MACROD2: variants seen among roughly 807,000 people sequenced by gnomAD.
MACROD2 encodes ADP-ribose glycohydrolase MACROD2.
Under a neutral mutation model 70.4 loss-of-function variants are expected in MACROD2, and 36 were observed. The observed-to-expected ratio is 0.51, with a 90% CI of 0.39 to 0.68. The LOEUF (loss-of-function observed/expected upper bound fraction) is 0.68, where lower values mean the gene tolerates loss of function less well. Among genes scored for constraint, MACROD2 ranks in the 30% least tolerant of loss-of-function variants. The probability of loss-of-function intolerance (pLI) is 0.00; values close to 1 mark genes in which losing one functional copy is unlikely to be tolerated. For synonymous variants in MACROD2, 172 were observed against 178.8 expected (o/e 0.96, Z 0.30); for missense variants, 496 against 538.4 (o/e 0.92, Z 0.78).
chr20:14,302,800 G>A (rs183308945), intron 3 of MACROD2, among the ~76,000 whole-genome samples: 73 of 151,796 alleles, frequency 4.8e-4, no homozygotes, highest in South Asian at 6.3e-4. Flanking sequence ...TTACAGGCGC[G>A]CGCCACCATG....
chr20:14,148,647 A>C (rs149775581), intron 3 of MACROD2, among the ~76,000 whole-genome samples: 24 of 152,296 alleles, frequency 1.6e-4, no homozygotes, highest in Non-Finnish European at 2.9e-4. Flanking sequence ...TTTTCTGTCA[A>C]ACCAGTCATC....
At chr20:15,849,155 A>G (rs1042146922) in intron 8 of MACROD2, among the ~76,000 whole-genome samples, 4 of 152,158 alleles carry the variant, frequency 2.6e-5, no homozygotes, top group Non-Finnish European at 2.9e-5. Flanking sequence ...ACACTCACAC[A>G]CACAGCACTG....
intron 4 of MACROD2, among the ~76,000 whole-genome samples, chr20:14,672,540 A>T (rs1445878457): frequency 1.3e-5 from 2 of 152,228 alleles, no homozygotes; most frequent in African/African-American, 4.8e-5. Flanking sequence ...ACAAAGAAAG[A>T]AGTAATTGCT....
chr20:15,599,634 A>G (rs2048792363), intron 8 of MACROD2, among the ~76,000 whole-genome samples: 1 of 152,230 alleles, frequency 6.6e-6, no homozygotes, highest in Admixed American at 6.5e-5. Flanking sequence ...ATGAAGGGGA[A>G]TTAGCATGCA....
chr20:14,304,029 T>G (rs6079386), intron 3 of MACROD2, among the ~76,000 whole-genome samples: 58,864 of 151,982 alleles, frequency 0.39, 12,813 homozygotes, highest in Non-Finnish European at 0.49. Context: ...TCTTTATTAT[T>G]CTGTACCACT....
chr20:14,129,522 T>C (rs759085863), intron 3 of MACROD2, among the ~76,000 whole-genome samples: 2 of 152,172 alleles, frequency 1.3e-5, no homozygotes, highest in African/African-American at 4.8e-5. Context: ...ATTTGGAATA[T>C]TACATAAACT....
chr20:15,839,315 G>T (rs534231733), intron 8 of MACROD2, among the ~76,000 whole-genome samples: 2 of 152,182 alleles, frequency 1.3e-5, no homozygotes, highest in South Asian at 4.2e-4. Flanking sequence ...GTTCTCAGTG[G>T]CTCTGTATGC....
At chr20:15,658,313 T>C (rs2049764677) in intron 8 of MACROD2, among the ~76,000 whole-genome samples, 1 of 151,982 alleles carries the variant, frequency 6.6e-6, no homozygotes, top group Non-Finnish European at 1.5e-5. Context: ...TATTTTCATG[T>C]ATGTCCTTAA....
chr20:14,782,139 G>T (rs1282446895), intron 5 of MACROD2, among the ~76,000 whole-genome samples: 1 of 151,908 alleles, frequency 6.6e-6, no homozygotes, highest in Non-Finnish European at 1.5e-5. Flanking sequence ...GGCCAGGCTG[G>T]TCTTGAACTC....
chr20:14,464,251 G>A (rs1358428974), intron 3 of MACROD2, among the ~76,000 whole-genome samples: 1 of 151,936 alleles, frequency 6.6e-6, no homozygotes, highest in East Asian at 1.9e-4. Flanking sequence ...CTTCTTCCTG[G>A]TTTAGTCTTG....
chr20:14,322,317 G>T (rs185868412), intron 3 of MACROD2, among the ~76,000 whole-genome samples: 1 of 148,842 alleles, frequency 6.7e-6, no homozygotes, highest in Non-Finnish European at 1.5e-5. Context: ...TTTATTCCAG[G>T]CAACATAATC....
chr20:14,322,731 C>A (rs55932108), intron 3 of MACROD2, among the ~76,000 whole-genome samples: 114 of 152,188 alleles, frequency 7.5e-4, no homozygotes, highest in Non-Finnish European at 1.3e-3. Flanking sequence ...GGAGCAGTAT[C>A]TAGTAAAACT....
At chr20:15,597,468 G>C (rs2048761187) in intron 8 of MACROD2, among the ~76,000 whole-genome samples, 1 of 152,194 alleles carries the variant, frequency 6.6e-6, no homozygotes, top group African/African-American at 2.4e-5. Flanking sequence ...ATTCTGTCCA[G>C]TAGGGCTATC....
At chr20:15,532,457 C>T (rs529851261) in intron 8 of MACROD2, among the ~76,000 whole-genome samples, 2 of 151,816 alleles carry the variant, frequency 1.3e-5, no homozygotes, top group East Asian at 3.9e-4. Context: ...GTTTTAGCTA[C>T]CTATCTGAAA....
intron 4 of MACROD2, among the ~76,000 whole-genome samples, chr20:14,633,140 C>T (rs1984604423): frequency 6.6e-6 from 1 of 152,234 alleles, no homozygotes; most frequent in African/African-American, 2.4e-5. Context: ...CCTGTGGTTG[C>T]ATCACTCCAG....
rs548237226 is a variant in MACROD2 at position 15,440,092 on chromosome 20, T to C, written c.571+8657T>C. Among the ~76,000 whole-genome samples, 3 of 152,282 alleles carry C rather than the reference T, an allele frequency of 2.0e-5. No homozygotes were observed. In the South Asian group the frequency reaches 6.2e-4, roughly 32 times the overall value. On this transcript the variant is annotated intron_variant, in intron 7 of 17. Transcript: ENST00000684519. The stretch of plus-strand genomic sequence containing the variant: ...AATGGAATTTTTACTGAGAAGTGAA[T>C]GGCAAAAATGATTTTAGTCAATTTT...
At chr20:14,404,267 A>G (rs1600206208) in intron 3 of MACROD2, among the ~76,000 whole-genome samples, 2 of 152,308 alleles carry the variant, frequency 1.3e-5, no homozygotes, top group African/African-American at 4.8e-5. Flanking sequence ...ATTTGAAAAC[A>G]TAAAGGCTAA....
At chr20:15,844,469 A>G (rs1408345288) in intron 8 of MACROD2, among the ~76,000 whole-genome samples, 1 of 152,134 alleles carries the variant, frequency 6.6e-6, no homozygotes, top group Non-Finnish European at 1.5e-5. Flanking sequence ...CTAGTGAGGT[A>G]ATTGAACATG....
chr20:14,141,873 T>C lies in MACROD2; in HGVS notation c.271+56145T>C, dbSNP rs112197206. 1.8e-3 allele frequency among the ~76,000 whole-genome samples: 273 copies of C among 152,164 alleles called. 1 individual carries two copies. The highest frequency in any genetic ancestry group is 6.2e-3 in the African/African-American group (258 of 41,508). ...ATTATTCTTTTTCAGCTTAAAAAAT[T>C]ATATGTCTACATTGAATTCATATTT... On this transcript the variant is annotated intron_variant, in intron 3 of 17. Coordinates refer to ENST00000684519, the MANE Select transcript of MACROD2 (RefSeq NM_001351661.2).
Sources: gnomAD v4.1 joint callset for allele counts (sites outside exome capture counted in the v4.1 genomes callset) on GRCh38, gnomAD v4.1.1 for gene constraint, MANE v1.5 for transcripts, NCBI Gene and HGNC (gene_info 2026-07-23, HGNC 2026-07-21) for gene names.